Variants in ADAM10 observed in about 807,000 individuals in gnomAD.
The protein encoded by ADAM10 is disintegrin and metalloproteinase domain-containing protein 10.
Under a neutral mutation model 90.1 loss-of-function variants are expected in ADAM10, and 17 were observed. The observed-to-expected ratio is 0.19, with a 90% CI of 0.13 to 0.28. ADAM10 has a LOEUF of 0.28. ADAM10 is among the 10% of genes least tolerant of loss of function. ADAM10 has a pLI of 1.00. For synonymous variants in ADAM10, 310 were observed against 298.6 expected, an observed-to-expected ratio of 1.04 and a Z score of -0.40; for missense variants, 610 against 914.3, an observed-to-expected ratio of 0.67 and a Z score of 4.29.
At chr15:58,714,931 A>C (rs190441736) in intron 2 of ADAM10, among the ~76,000 whole-genome samples, 52 of 152,268 alleles carry the variant, frequency 3.4e-4, no homozygotes, top group Non-Finnish European at 6.6e-4. Flanking sequence ...GAAAGGGAGG[A>C]ACAAGATCAT....
At chr15:58,654,551 A>T (rs1413319406) in intron 5 of ADAM10, among the ~76,000 whole-genome samples, 3 of 151,948 alleles carry the variant, frequency 2.0e-5, no homozygotes, top group African/African-American at 7.3e-5. Context: ...GCTAATTTTT[A>T]AACTGTTTGC....
At position 58,594,869 on chromosome 15, in the gene ADAM10, A is replaced by C. The variant is rs140279885; in HGVS notation, c.*2678T>G. 1 of 152,332 alleles carries C rather than the reference A, an allele frequency of 6.6e-6. No individual in the cohort carries two copies. Among genetic ancestry groups the C allele is most frequent in the East Asian group, 1.9e-4 (1 of 5,194 alleles). 9.4% of individuals were successfully genotyped at this position (152,332 alleles called of 1,614,324 possible). A position where few individuals can be genotyped will look rare whatever the true frequency, so the allele number is the denominator to read the frequency against. On this transcript the variant is annotated 3_prime_UTR_variant, in exon 16 of 16. Transcript: ENST00000260408. ...TTCACAAAGTATTACATATTTACTCATTTAACAAGTATTACTTATAGCTAA... is the reference window on the plus strand; with the variant it reads ...TTCACAAAGTATTACATATTTACTCCTTTAACAAGTATTACTTATAGCTAA...
chr15:58,596,574 A>G lies in ADAM10; in HGVS notation c.*973T>C, dbSNP rs1333992184. 6.5e-6 allele frequency: 1 copy of G among 152,684 alleles called. No homozygotes were observed. The highest frequency in any genetic ancestry group is 1.5e-5 in the Non-Finnish European group (1 of 68,044). 9.5% of individuals were successfully genotyped at this position (152,684 alleles called of 1,614,324 possible). On this transcript the variant is annotated 3_prime_UTR_variant, in exon 16 of 16. Transcript: ENST00000260408. ...ATCAGACAGAAAACATAATTAGCATATTTCAGATATATGAAAAACACAAAT... is the reference window on the plus strand; with the variant it reads ...ATCAGACAGAAAACATAATTAGCATGTTTCAGATATATGAAAAACACAAAT...
At chr15:58,600,549 A>G (rs1461539995) in intron 14 of ADAM10, among the ~76,000 whole-genome samples, 1 of 152,102 alleles carries the variant, frequency 6.6e-6, no homozygotes, top group Admixed American at 6.5e-5. Context: ...AAATATGAAA[A>G]GTGGAAGAAG....
chr15:58,615,591 T>C (rs1224816653), intron 11 of ADAM10, among the ~76,000 whole-genome samples: 2 of 152,136 alleles, frequency 1.3e-5, no homozygotes, highest in Non-Finnish European at 1.5e-5. Context: ...GAAAATCATT[T>C]TACCTCTAAA....
At chr15:58,746,848 T>C (rs1899807618) in intron 1 of ADAM10, among the ~76,000 whole-genome samples, 1 of 152,220 alleles carries the variant, frequency 6.6e-6, no homozygotes, top group Non-Finnish European at 1.5e-5. Flanking sequence ...TCAGAGATCC[T>C]TAAGGATAAA....
intron 1 of ADAM10, among the ~76,000 whole-genome samples, chr15:58,749,263 C>T (rs1335064648): frequency 6.6e-6 from 1 of 152,158 alleles, no homozygotes; most frequent in East Asian, 1.9e-4. Context: ...GGGAAGGCCT[C>T]GCCGGAGGCT....
rs149187606 is a variant in ADAM10, at chr15:58,608,783, G to A, written c.2025+1514C>T. Among the ~76,000 whole-genome samples the A allele has an allele frequency of 1.4e-3, 220 of 152,048 alleles. 1 individual carries two copies. Among genetic ancestry groups the A allele is most frequent in the African/African-American group, 4.9e-3 (203 of 41,486 alleles). ...AATATTTTTAAAGTGAAAATAAATG[G>A]GCTTTTGAAATTCTAAATAATGTAA... On this transcript the variant is annotated intron_variant, in intron 14 of 15. Coordinates refer to ENST00000260408, the MANE Select transcript of ADAM10 (RefSeq NM_001110.4).
intron 2 of ADAM10, among the ~76,000 whole-genome samples, chr15:58,703,000 A>C (rs1225629903): frequency 6.6e-6 from 1 of 152,204 alleles, no homozygotes; most frequent in East Asian, 1.9e-4. Context: ...ATTCTACTAC[A>C]ATCTGTTTGA....
In ADAM10 at chr15:58,655,670, AT is replaced by A. The variant is rs1896790582; in HGVS notation, c.585+9426del. ...TCCCTTTGCATACATACATACATAC[AT>A]ACATACATATATATATTATATATAG... On this transcript the variant is annotated intron_variant, in intron 5 of 15. Coordinates refer to ENST00000260408, the MANE Select transcript of ADAM10 (RefSeq NM_001110.4). 2.6e-5 allele frequency among the ~76,000 whole-genome samples: 3 copies of A among 117,230 alleles called. 1 individual carries two copies. The highest frequency in any genetic ancestry group is 1.1e-4 in the African/African-American group (3 of 26,768). The allele number at this position is 117,230 out of a possible 152,430, so 76.9% of individuals were successfully genotyped here.
intron 2 of ADAM10, among the ~76,000 whole-genome samples, chr15:58,688,493 T>A: frequency 6.8e-6 from 1 of 147,986 alleles, no homozygotes; most frequent in Non-Finnish European, 1.5e-5. Flanking sequence ...TATAAAGAAA[T>A]GTGACAAAGA....
intron 11 of ADAM10, among the ~76,000 whole-genome samples, chr15:58,618,732 A>C (rs559905865): frequency 1.3e-5 from 2 of 152,218 alleles, no homozygotes; most frequent in Non-Finnish European, 2.9e-5. Context: ...AAGACATATA[A>C]ATTGCTAACA....
At chr15:58,611,405 C>G (rs1325006640) in intron 12 of ADAM10, 1 of 359,716 alleles carries the variant, frequency 2.8e-6, no homozygotes, top group Admixed American at 4.5e-5. Flanking sequence ...TATTACGGCT[C>G]TTCTATAAAG....
At chr15:58,599,508 A>G (rs1026369063) in intron 15 of ADAM10, 90 bp downstream of exon 15, 1 of 1,415,980 alleles carries the variant, frequency 7.1e-7, no homozygotes, top group South Asian at 1.2e-5. Context: ...GTACTGTAAC[A>G]TTAGTTACTA....
chr15:58,714,226 G>A (rs935321035), intron 2 of ADAM10, among the ~76,000 whole-genome samples: 1 of 151,886 alleles, frequency 6.6e-6, no homozygotes, highest in Non-Finnish European at 1.5e-5. Flanking sequence ...AAGCCATGCT[G>A]AAAGTGTGTT....
chr15:58,743,019 C>T (rs1020726349), intron 1 of ADAM10, among the ~76,000 whole-genome samples: 1 of 152,138 alleles, frequency 6.6e-6, no homozygotes, highest in Non-Finnish European at 1.5e-5. Context: ...CATCACACCA[C>T]TGTACTTCAA....
chr15:58,694,549 A>G (rs952411456), intron 2 of ADAM10, among the ~76,000 whole-genome samples: 1 of 152,172 alleles, frequency 6.6e-6, no homozygotes, highest in Admixed American at 6.5e-5. Flanking sequence ...AAACAAACAA[A>G]CAAACAAAAA....
Position 58,627,780 on chromosome 15 carries a change from A to C in ADAM10, c.1280T>G (p.Leu427Arg). The change falls in exon 10 of 16, where the codon CTT becomes CGT. Residue 427 changes from leucine to arginine, a missense_variant. Leu to Arg is a moderately radical substitution (Grantham distance 102). Coordinates refer to ENST00000260408, the MANE Select transcript of ADAM10 (RefSeq NM_001110.4). ...ACAGAGTGAGAATTTATTGTTGTTAAGTTTGTCCCCAGATGTTGCTCTTGC... is the reference window on the plus strand; with the variant it reads ...ACAGAGTGAGAATTTATTGTTGTTACGTTTGTCCCCAGATGTTGCTCTTGC... ...MYARATSGDK[L>R]NNNKFSLCSI... is the part of the protein sequence containing the mutation. 1.2e-6 allele frequency: 2 copies of C among 1,613,636 alleles called. No individual in the cohort carries two copies. The highest frequency in any genetic ancestry group is 1.7e-6 in the Non-Finnish European group (2 of 1,179,688).
At chr15:58,643,678 T>C (rs1232092387) in intron 7 of ADAM10, among the ~76,000 whole-genome samples, 3 of 152,342 alleles carry the variant, frequency 2.0e-5, no homozygotes, top group South Asian at 4.1e-4. Context: ...TAAGACCTTA[T>C]ACATTTAATT....
Sources: allele counts gnomAD v4.1 joint callset (sites outside exome capture counted in the v4.1 genomes callset), GRCh38; gene constraint gnomAD v4.1.1; transcripts MANE v1.5; gene names NCBI Gene and HGNC (gene_info 2026-07-23, HGNC 2026-07-21).